SH3RF3: variants seen among roughly 807,000 people sequenced by gnomAD.
SH3RF3 encodes the protein E3 ubiquitin-protein ligase SH3RF3.
SH3RF3 carries 29 observed loss-of-function variants against 66.3 expected under a neutral mutation model. That is an observed-to-expected ratio of 0.44 (90% CI 0.33 to 0.60). SH3RF3 has a LOEUF of 0.60. Ranked by LOEUF, SH3RF3 falls within the 20% of genes least tolerant of loss-of-function variation. The pLI, the probability that SH3RF3 is intolerant of heterozygous loss-of-function variation, is 0.04. For synonymous variants in SH3RF3, 583 were observed against 532.0 expected (o/e 1.10, Z -1.32); for missense variants, 1,194 against 1,190.9 (o/e 1.00, Z -0.04).
intron 1 of SH3RF3, among the ~76,000 whole-genome samples, chr2:109,205,084 G>A (rs1485320725): frequency 1.3e-5 from 2 of 152,158 alleles, no homozygotes; most frequent in Admixed American, 1.3e-4. Flanking sequence ...GTACATGCCT[G>A]TAGTCTCAGC....
At chr2:109,250,398 T>C (rs1201029699) in intron 1 of SH3RF3, among the ~76,000 whole-genome samples, 2 of 152,226 alleles carry the variant, frequency 1.3e-5, no homozygotes, top group Non-Finnish European at 2.9e-5. Flanking sequence ...AAGCTTGTAT[T>C]ATATACAACT....
intron 1 of SH3RF3, among the ~76,000 whole-genome samples, chr2:109,259,022 C>G (rs1204441295): frequency 6.6e-6 from 1 of 152,252 alleles, no homozygotes; most frequent in African/African-American, 2.4e-5. Flanking sequence ...ACTGTGTAGG[C>G]TGCCTCGGGA....
chr2:109,202,089 T>C (rs1009230769), intron 1 of SH3RF3, among the ~76,000 whole-genome samples: 1 of 152,228 alleles, frequency 6.6e-6, no homozygotes, highest in African/African-American at 2.4e-5. Context: ...GCACACAGCC[T>C]CCCCTCGAGG....
intron 1 of SH3RF3, among the ~76,000 whole-genome samples, chr2:109,280,519 C>T (rs955315055): frequency 2.0e-5 from 3 of 152,164 alleles, no homozygotes; most frequent in Admixed American, 6.5e-5. Flanking sequence ...TCCACTGGGG[C>T]CATGGTCCAA....
intron 1 of SH3RF3, among the ~76,000 whole-genome samples, chr2:109,274,871 C>G (rs1233110482): frequency 1.4e-5 from 2 of 147,690 alleles, no homozygotes; most frequent in African/African-American, 2.5e-5. Context: ...ATTGTCCCCA[C>G]CATATAAAAA....
chr2:109,318,145 A>G (rs1681930768), intron 1 of SH3RF3, among the ~76,000 whole-genome samples: 1 of 151,544 alleles, frequency 6.6e-6, no homozygotes, highest in African/African-American at 2.4e-5. Flanking sequence ...TTCTAGGGAC[A>G]TTGAGAGACT....
intron 7 of SH3RF3, among the ~76,000 whole-genome samples, chr2:109,444,324 G>A (rs1457412595): frequency 6.6e-6 from 1 of 152,166 alleles, no homozygotes; most frequent in Non-Finnish European, 1.5e-5. Flanking sequence ...TATTTAAAAA[G>A]TCAACTCTGT....
chr2:109,402,373 T>C (rs927508724), intron 4 of SH3RF3, among the ~76,000 whole-genome samples: 1 of 152,242 alleles, frequency 6.6e-6, no homozygotes, highest in African/African-American at 2.4e-5. Context: ...AGGCCCAGGA[T>C]TCTGTGGTCA....
chr2:109,242,804 G>T (rs1438812494), intron 1 of SH3RF3, among the ~76,000 whole-genome samples: 1 of 152,132 alleles, frequency 6.6e-6, no homozygotes, highest in Non-Finnish European at 1.5e-5. Flanking sequence ...TGGAGAGGAT[G>T]GGGACCCTCA....
intron 1 of SH3RF3, among the ~76,000 whole-genome samples, chr2:109,208,766 A>G (rs1678898159): frequency 6.6e-6 from 1 of 152,252 alleles, no homozygotes; most frequent in South Asian, 2.1e-4. Flanking sequence ...AGTGAGGTCA[A>G]GGGAATCTTG....
intron 1 of SH3RF3, among the ~76,000 whole-genome samples, chr2:109,199,838 G>A (rs939457513): frequency 1.7e-5 from 1 of 57,684 alleles, no homozygotes; most frequent in Non-Finnish European, 4.1e-5. Flanking sequence ...GGAATGGAAT[G>A]GAATGGAATG....
At chr2:109,206,797 CAA>C (rs1491483365) in intron 1 of SH3RF3, among the ~76,000 whole-genome samples, 5 of 152,210 alleles carry the variant, frequency 3.3e-5, no homozygotes, top group South Asian at 2.1e-4. Flanking sequence ...GCCTGGGTGA[CAA>C]GAGAGAGACA....
intron 6 of SH3RF3, among the ~76,000 whole-genome samples, chr2:109,433,220 T>A (rs1260888680): frequency 2.0e-5 from 3 of 152,266 alleles, no homozygotes; most frequent in Admixed American, 1.3e-4. Flanking sequence ...TGTGTCATCA[T>A]ATATAGACGT....
chr2:109,229,006 T>A (rs980203330), intron 1 of SH3RF3, among the ~76,000 whole-genome samples: 1 of 151,900 alleles, frequency 6.6e-6, no homozygotes, highest in Non-Finnish European at 1.5e-5. Flanking sequence ...GCCACCAGAG[T>A]CACTTCATCA....
At chr2:109,168,674 G>GT (rs35481462) in intron 1 of SH3RF3, among the ~76,000 whole-genome samples, 125,162 of 152,174 alleles carry the variant, frequency 0.82, 51,598 homozygotes, top group East Asian at 0.89. Flanking sequence ...AAACCTTTCA[G>GT]TCAGGAGTTC....
At chr2:109,265,863 G>A (rs1248769165) in intron 1 of SH3RF3, among the ~76,000 whole-genome samples, 3 of 152,368 alleles carry the variant, frequency 2.0e-5, no homozygotes, top group East Asian at 1.9e-4. Context: ...ACACCACTGA[G>A]CTGGGGCATT....
At chr2:109,405,422 G>C (rs552966962) in intron 4 of SH3RF3, among the ~76,000 whole-genome samples, 1 of 152,282 alleles carries the variant, frequency 6.6e-6, no homozygotes, top group East Asian at 1.9e-4. Context: ...GGAGCCTTCA[G>C]ACTGGCCCTT....
chr2:109,144,613 GCAAA>G (rs1183958113), intron 1 of SH3RF3, among the ~76,000 whole-genome samples: 8 of 152,224 alleles, frequency 5.3e-5, no homozygotes, highest in African/African-American at 1.9e-4. Context: ...AACCTAAATG[GCAAA>G]CATGAGAAAC....
At chr2:109,147,946 A>C (rs1677137566) in intron 1 of SH3RF3, among the ~76,000 whole-genome samples, 2 of 152,082 alleles carry the variant, frequency 1.3e-5, no homozygotes, top group African/African-American at 4.8e-5. Context: ...AGTTTTGGGG[A>C]CTAGCTCATT....
Sources: allele counts gnomAD v4.1 joint callset (sites outside exome capture counted in the v4.1 genomes callset), GRCh38; gene constraint gnomAD v4.1.1; transcripts MANE v1.5; gene names NCBI Gene and HGNC (gene_info 2026-07-23, HGNC 2026-07-21).